TAFA2: variants seen among roughly 807,000 people sequenced by gnomAD.
TAFA2 encodes the protein TAFA chemokine like family member 2.
Under a neutral mutation model 18.8 loss-of-function variants are expected in TAFA2, and 7 were observed. The observed-to-expected ratio is 0.37, with a 90% CI of 0.21 to 0.70. The LOEUF is 0.70. TAFA2 is among the 30% of genes least tolerant of loss of function. The pLI is 0.53. For synonymous variants in TAFA2, 60 were observed against 54.2 expected (o/e 1.11, Z -0.47); for missense variants, 122 against 158.1 (o/e 0.77, Z 1.23).
chr12:62,043,580 T>C (rs141763392), intron 1 of TAFA2, among the ~76,000 whole-genome samples: 3,636 of 152,132 alleles, frequency 0.024, 142 homozygotes, highest in African/African-American at 0.082. Flanking sequence ...AACCTGCACA[T>C]TGTGCACATG....
chr12:61,990,884 A>G (rs1271321262), intron 1 of TAFA2, among the ~76,000 whole-genome samples: 2 of 152,198 alleles, frequency 1.3e-5, no homozygotes, highest in African/African-American at 4.8e-5. Context: ...GCACAATGAG[A>G]AAAGTATTAT....
At chr12:62,220,628 T>G (rs947783116) in intron 1 of TAFA2, among the ~76,000 whole-genome samples, 1 of 152,236 alleles carries the variant, frequency 6.6e-6, no homozygotes, top group Admixed American at 6.5e-5. Flanking sequence ...GTTCATTGAC[T>G]GTAACAAATG....
chr12:62,026,644 C>G (rs1233554531), intron 1 of TAFA2, among the ~76,000 whole-genome samples: 7 of 152,096 alleles, frequency 4.6e-5, no homozygotes, highest in Admixed American at 4.6e-4. Flanking sequence ...GCCTGGGAGA[C>G]AGTCTATGTT....
chr12:61,712,860 G>C (rs892630766), intron 4 of TAFA2, among the ~76,000 whole-genome samples: 2 of 151,672 alleles, frequency 1.3e-5, no homozygotes, highest in Admixed American at 6.6e-5. Flanking sequence ...ATGGTGATTC[G>C]GCATCAAGAG....
chr12:61,901,792 G>T (rs917686214), intron 1 of TAFA2, among the ~76,000 whole-genome samples: 1 of 152,106 alleles, frequency 6.6e-6, no homozygotes, highest in Non-Finnish European at 1.5e-5. Context: ...ATTTTTGATT[G>T]TATACCATGC....
chr12:61,792,243 C>T (rs1390166059), intron 2 of TAFA2, among the ~76,000 whole-genome samples: 1 of 151,252 alleles, frequency 6.6e-6, no homozygotes, highest in Non-Finnish European at 1.5e-5. Flanking sequence ...ATGTAAAGGA[C>T]AGGGAAAAGG....
At chr12:61,949,211 T>C (rs1565692712) in intron 1 of TAFA2, among the ~76,000 whole-genome samples, 1 of 152,074 alleles carries the variant, frequency 6.6e-6, no homozygotes, top group East Asian at 1.9e-4. Context: ...CTCCCATGAG[T>C]AAGAGGGAAC....
At chr12:62,033,232 A>G (rs926127306) in intron 1 of TAFA2, among the ~76,000 whole-genome samples, 5 of 152,148 alleles carry the variant, frequency 3.3e-5, no homozygotes, top group Non-Finnish European at 7.3e-5. Flanking sequence ...AAACACTACC[A>G]TGTGCCCACT....
intron 1 of TAFA2, chr12:61,890,505 C>T (rs1330226618): frequency 6.6e-6 from 1 of 152,198 alleles, no homozygotes; most frequent in Non-Finnish European, 1.5e-5. Flanking sequence ...ACTGGGAAAC[C>T]CCATCTTGGG....
At chr12:61,922,447 A>G (rs1877093072) in intron 1 of TAFA2, among the ~76,000 whole-genome samples, 1 of 152,090 alleles carries the variant, frequency 6.6e-6, no homozygotes, top group South Asian at 2.1e-4. Context: ...CAGCCTATGG[A>G]GGGCGAGCAG....
intron 1 of TAFA2, among the ~76,000 whole-genome samples, chr12:62,149,011 G>T (rs1217148815): frequency 6.6e-6 from 1 of 152,030 alleles, no homozygotes; most frequent in African/African-American, 2.4e-5. Context: ...TCTTTTCTAG[G>T]CCTTGCCTAA....
At chr12:62,093,430 GTA>G in intron 1 of TAFA2, among the ~76,000 whole-genome samples, 1 of 152,068 alleles carries the variant, frequency 6.6e-6, no homozygotes, top group South Asian at 2.1e-4. Context: ...AAAATCTATT[GTA>G]TATTGGCATT....
At chr12:62,129,156 A>G (rs1020653445) in intron 1 of TAFA2, among the ~76,000 whole-genome samples, 1 of 151,996 alleles carries the variant, frequency 6.6e-6, no homozygotes, top group Non-Finnish European at 1.5e-5. Context: ...CACAAACTTT[A>G]TCTAAATGGC....
chr12:61,856,173 A>G (rs1295116814), intron 2 of TAFA2, among the ~76,000 whole-genome samples: 1 of 152,062 alleles, frequency 6.6e-6, no homozygotes, highest in African/African-American at 2.4e-5. Flanking sequence ...AATTACCTAC[A>G]GCTAGTAAAG....
At position 61,756,556 on chromosome 12, in the gene TAFA2, C is replaced by T. The variant is rs1190812855; in HGVS notation, c.107-1532G>A. Among the ~76,000 whole-genome samples, 5 of 152,016 alleles carry T rather than the reference C, an allele frequency of 3.3e-5. No individual in the cohort carries two copies. In the East Asian group the frequency reaches 9.7e-4, roughly 30 times the overall value. ...CACACATCAGCCATGGTCTTGAGTA[C>T]TGGAAACACAGCAATGAATAAGGGA... On this transcript the variant is annotated intron_variant, in intron 2 of 4. Coordinates refer to ENST00000416284, the MANE Select transcript of TAFA2 (RefSeq NM_178539.5).
chr12:61,791,169 T>C (rs770044017), intron 2 of TAFA2, among the ~76,000 whole-genome samples: 15 of 151,894 alleles, frequency 9.9e-5, no homozygotes, highest in Non-Finnish European at 2.1e-4. Flanking sequence ...AGAATGAAAC[T>C]GGACATGTAT....
intron 1 of TAFA2, among the ~76,000 whole-genome samples, chr12:61,986,606 T>A (rs1216633942): frequency 6.6e-6 from 1 of 151,256 alleles, no homozygotes; most frequent in Non-Finnish European, 1.5e-5. Context: ...GTCCAAACGA[T>A]CTAAGTTCTA....
chr12:61,997,641 G>C (rs550729055), intron 1 of TAFA2, among the ~76,000 whole-genome samples: 1 of 152,178 alleles, frequency 6.6e-6, no homozygotes, highest in East Asian at 1.9e-4. Context: ...CTGTGGGAGG[G>C]CAAGAGAGGA....
chr12:62,127,309 C>T (rs957957151), intron 1 of TAFA2, among the ~76,000 whole-genome samples: 1 of 152,026 alleles, frequency 6.6e-6, no homozygotes, highest in Admixed American at 6.6e-5. Flanking sequence ...ACCCCACCCA[C>T]CTCCATCATT....
Sources: gnomAD v4.1 joint callset for allele counts (sites outside exome capture counted in the v4.1 genomes callset) on GRCh38, gnomAD v4.1.1 for gene constraint, MANE v1.5 for transcripts, NCBI Gene and HGNC (gene_info 2026-07-23, HGNC 2026-07-21) for gene names.